Variants in SLC2A13 observed in about 807,000 individuals in gnomAD.
SLC2A13 encodes proton myo-inositol cotransporter.
In SLC2A13, 32 loss-of-function variants were observed where a neutral mutation model predicts 64.4. The ratio of observed to expected loss-of-function variants is 0.50; its 90% CI spans 0.37 to 0.67. The LOEUF (loss-of-function observed/expected upper bound fraction) is 0.67, where lower values mean the gene tolerates loss of function less well. Among genes scored for constraint, SLC2A13 ranks in the 30% least tolerant of loss-of-function variants. SLC2A13 has a pLI of 0.00. For missense variants in SLC2A13, 743 were observed against 829.2 expected, an observed-to-expected ratio of 0.90 and a Z score of 1.28; for synonymous variants, 338 against 327.1, an observed-to-expected ratio of 1.03 and a Z score of -0.36.
At chr12:39,807,206 T>G (rs1297789454) in intron 7 of SLC2A13, among the ~76,000 whole-genome samples, 1 of 152,176 alleles carries the variant, frequency 6.6e-6, no homozygotes, top group Non-Finnish European at 1.5e-5. Flanking sequence ...CAGGGCCACG[T>G]AGGATGTGGG....
At chr12:40,000,078 G>A (rs1205665104) in intron 3 of SLC2A13, among the ~76,000 whole-genome samples, 2 of 152,146 alleles carry the variant, frequency 1.3e-5, no homozygotes, top group South Asian at 2.1e-4. Flanking sequence ...AGATCTGACG[G>A]TTTTAAAAAT....
At chr12:39,967,861 C>A (rs941261838) in intron 3 of SLC2A13, among the ~76,000 whole-genome samples, 1 of 152,090 alleles carries the variant, frequency 6.6e-6, no homozygotes, top group Non-Finnish European at 1.5e-5. Context: ...AAGCAAAGAA[C>A]TGACATATTT....
intron 2 of SLC2A13, among the ~76,000 whole-genome samples, chr12:40,036,758 T>C (rs184043327): frequency 6.1e-4 from 93 of 152,346 alleles, no homozygotes; most frequent in Admixed American, 1.7e-3. Context: ...TTCTAGGTCC[T>C]CTGATTTTCC....
At chr12:39,896,484 A>C (rs564301853) in intron 4 of SLC2A13, among the ~76,000 whole-genome samples, 2 of 140,664 alleles carry the variant, frequency 1.4e-5, no homozygotes, top group Non-Finnish European at 3.1e-5. Context: ...GTATATGTGT[A>C]TATATGTACA....
At chr12:39,818,504 C>A (rs1457692556) in intron 7 of SLC2A13, among the ~76,000 whole-genome samples, 1 of 152,136 alleles carries the variant, frequency 6.6e-6, no homozygotes, top group African/African-American at 2.4e-5. Context: ...CTTTGTTTAA[C>A]TCTAACTTTA....
At chr12:40,053,696 T>C (rs1024645468) in intron 1 of SLC2A13, among the ~76,000 whole-genome samples, 1 of 152,150 alleles carries the variant, frequency 6.6e-6, no homozygotes, top group Admixed American at 6.5e-5. Context: ...TGATTAATTG[T>C]ATAATTTGGG....
At chr12:40,101,587 G>C (rs1181629774) in intron 1 of SLC2A13, among the ~76,000 whole-genome samples, 1 of 152,156 alleles carries the variant, frequency 6.6e-6, no homozygotes, top group Non-Finnish European at 1.5e-5. Flanking sequence ...TCACATCTCA[G>C]ATTCAAGAGA....
chr12:39,764,992 G>GGGCCGGGCGCGGTGGCTCACGCCTGT, intron 7 of SLC2A13, 134 bp from the exon 8 acceptor site: 1 of 1,019,284 alleles, frequency 9.8e-7, no homozygotes, highest in Non-Finnish European at 1.4e-6. Flanking sequence ...TAAAAAATAA[G>GGGCCGGGCGCGGTGGCTCACGCCTGT]AACTAAATAT....
chr12:39,783,698 C>G (rs575262875), intron 7 of SLC2A13, among the ~76,000 whole-genome samples: 3 of 152,140 alleles, frequency 2.0e-5, no homozygotes, highest in African/African-American at 7.2e-5. Flanking sequence ...ATATCCTTTG[C>G]CCACTTTTTG....
At chr12:39,910,264 T>A (rs533367457) in intron 4 of SLC2A13, among the ~76,000 whole-genome samples, 11 of 152,282 alleles carry the variant, frequency 7.2e-5, no homozygotes, top group African/African-American at 2.6e-4. Flanking sequence ...TAAATATATC[T>A]GTATCTTTAT....
At chr12:39,967,707 C>T (rs1365357784) in intron 3 of SLC2A13, among the ~76,000 whole-genome samples, 1 of 152,060 alleles carries the variant, frequency 6.6e-6, no homozygotes, top group Admixed American at 6.6e-5. Flanking sequence ...ATTACTTAGC[C>T]TATTGGTATA....
At chr12:39,896,434 A>G (rs1333669129) in intron 4 of SLC2A13, among the ~76,000 whole-genome samples, 1 of 144,460 alleles carries the variant, frequency 6.9e-6, no homozygotes, top group African/African-American at 2.6e-5. Context: ...GTATATATGT[A>G]TACATATATG....
chr12:39,807,761 G>A (rs188912262), intron 7 of SLC2A13, among the ~76,000 whole-genome samples: 5 of 152,166 alleles, frequency 3.3e-5, no homozygotes, highest in Admixed American at 3.3e-4. Flanking sequence ...TATAATAATG[G>A]AGAGTTGGGT....
intron 6 of SLC2A13, among the ~76,000 whole-genome samples, chr12:39,850,823 C>T (rs111545243): frequency 1.0e-3 from 158 of 152,008 alleles, no homozygotes; most frequent in African/African-American, 3.4e-3. Flanking sequence ...AGATATCTAT[C>T]GCCATAATAA....
chr12:39,873,997 T>A (rs927720472), intron 4 of SLC2A13, among the ~76,000 whole-genome samples: 1 of 152,208 alleles, frequency 6.6e-6, no homozygotes, highest in Non-Finnish European at 1.5e-5. Context: ...AGATATGTTA[T>A]TAAATCCTGT....
intron 1 of SLC2A13, among the ~76,000 whole-genome samples, chr12:40,085,572 T>C (rs1290614579): frequency 6.6e-6 from 1 of 152,222 alleles, no homozygotes; most frequent in African/African-American, 2.4e-5. Flanking sequence ...TCTTTTGTGT[T>C]GACTGTTGAG....
At chr12:39,810,143 C>T (rs142282809) in intron 7 of SLC2A13, among the ~76,000 whole-genome samples, 6 of 152,136 alleles carry the variant, frequency 3.9e-5, no homozygotes, top group East Asian at 1.9e-4. Context: ...AGTGAAGAAC[C>T]GACATCTTAA....
At chr12:39,854,832 C>T (rs928133854) in intron 6 of SLC2A13, among the ~76,000 whole-genome samples, 4 of 152,170 alleles carry the variant, frequency 2.6e-5, no homozygotes, top group Non-Finnish European at 5.9e-5. Flanking sequence ...ATCTGTTTTC[C>T]GCTTTTGCAC....
chr12:39,905,805 C>A (rs1945258223), intron 4 of SLC2A13, among the ~76,000 whole-genome samples: 1 of 129,676 alleles, frequency 7.7e-6, no homozygotes, highest in Non-Finnish European at 1.6e-5. Flanking sequence ...GGTACTAGGC[C>A]TTTATTAAAA....
Sources: allele counts gnomAD v4.1 joint callset (sites outside exome capture counted in the v4.1 genomes callset), GRCh38; gene constraint gnomAD v4.1.1; transcripts MANE v1.5; gene names NCBI Gene and HGNC (gene_info 2026-07-23, HGNC 2026-07-21).